Variants in SEC24A observed in about 807,000 individuals in gnomAD.
The protein encoded by SEC24A is protein transport protein Sec24A.
In SEC24A, 93 loss-of-function variants were observed where a neutral mutation model predicts 129.4. The observed-to-expected ratio is 0.72, with a 90% CI of 0.61 to 0.85. The LOEUF (loss-of-function observed/expected upper bound fraction) is 0.85. Ranked by LOEUF, SEC24A falls within the 40% of genes least tolerant of loss-of-function variation. The probability of loss-of-function intolerance (pLI) is 0.00; values close to 1 mark genes in which losing one functional copy is unlikely to be tolerated. For synonymous variants in SEC24A, 460 were observed against 467.3 expected, an observed-to-expected ratio of 0.98 and a Z score of 0.20; for missense variants, 1,264 against 1,307.4, an observed-to-expected ratio of 0.97 and a Z score of 0.51.
chr5:134,657,714 A>T (rs1750296112), intron 1 of SEC24A, among the ~76,000 whole-genome samples: 1 of 152,006 alleles, frequency 6.6e-6, no homozygotes, highest in Non-Finnish European at 1.5e-5. Context: ...GTAGCTGGGA[A>T]TATAGGCACG....
chr5:134,675,947 C>T (rs1043523130), intron 6 of SEC24A, 76 bp from the exon 7 acceptor site: 30 of 997,166 alleles, frequency 3.0e-5, no homozygotes, highest in Non-Finnish European at 4.5e-5. Context: ...AAATGTATAC[C>T]TTTTAAATCT....
At chr5:134,672,962 G>A (rs1428156202) in intron 4 of SEC24A, among the ~76,000 whole-genome samples, 3 of 151,332 alleles carry the variant, frequency 2.0e-5, no homozygotes, top group East Asian at 1.9e-4. Flanking sequence ...GGCTGGTCTC[G>A]AACCCTTGGC....
chr5:134,661,081 T>A, intron 1 of SEC24A, 38 bp from the exon 2 acceptor site: 1 of 1,377,784 alleles, frequency 7.3e-7, no homozygotes, highest in Non-Finnish European at 1.0e-6. Context: ...ATTGCTATAT[T>A]CGTTGGTAAG....
At chr5:134,691,303 T>C (rs182107420) in intron 11 of SEC24A, among the ~76,000 whole-genome samples, 19 of 148,160 alleles carry the variant, frequency 1.3e-4, no homozygotes, top group Non-Finnish European at 2.5e-4. Context: ...TCCCGAGTAG[T>C]TGGGCTTACA....
At chr5:134,706,981 G>T (rs966410406) in intron 17 of SEC24A, among the ~76,000 whole-genome samples, 1 of 151,996 alleles carries the variant, frequency 6.6e-6, no homozygotes, top group Admixed American at 6.6e-5. Context: ...GAGCCACCAC[G>T]CCTGGCCCTC....
In SEC24A at chr5:134,679,708, T is replaced by C; in HGVS notation, c.1361T>C (p.Leu454Ser). The stretch of plus-strand genomic sequence containing the variant: ...GATCAAAGGAGATGGAAGTGTAACT[T>C]ATGTTATCGAGTCAATGATGGTATG... ...FLDQRRWKCN[L>S]CYRVNDVPEE... Residue 454 changes from leucine to serine, a missense_variant, in exon 8 of 23, where the codon TTA (leucine) becomes TCA (serine). Leu to Ser is a moderately radical substitution (Grantham distance 145). Coordinates refer to ENST00000398844, the MANE Select transcript of SEC24A (RefSeq NM_021982.3). The C allele has an allele frequency of 6.3e-7, 1 of 1,595,766 alleles. No homozygotes were observed. The highest frequency in any genetic ancestry group is 1.1e-5 in the South Asian group (1 of 88,588).
chr5:134,696,623 C>T (rs954607614), intron 13 of SEC24A, among the ~76,000 whole-genome samples: 9 of 151,980 alleles, frequency 5.9e-5, no homozygotes, highest in African/African-American at 1.7e-4. Context: ...CTCAGCCTCC[C>T]GAGTAGCTGG....
chr5:134,718,050 CTT>C lies in SEC24A; in HGVS notation c.2866-16_2866-15del, dbSNP rs1561834282. 1 of 1,586,136 alleles carries C rather than the reference CTT, an allele frequency of 6.3e-7. No individual in the cohort carries two copies. Among genetic ancestry groups the C allele is most frequent in the Admixed American group, 1.7e-5 (1 of 59,852 alleles). On this transcript the variant is annotated splice_polypyrimidine_tract_variant and intron_variant, in intron 19 of 22. Transcript: ENST00000398844. The stretch of plus-strand genomic sequence containing the variant: ...ATTTCCTATATTTAAAACCTTTACT[CTT>C]TTACTTAATTCCTCAGGGAGCACTC...
intron 12 of SEC24A, chr5:134,692,946 G>C (rs1006160396): frequency 9.0e-7 from 1 of 1,105,688 alleles, no homozygotes; most frequent in South Asian, 1.3e-5. Context: ...AAGTTGGGAG[G>C]GTTGCTGAGA....
chr5:134,723,197 G>T (rs979833654), intron 21 of SEC24A, among the ~76,000 whole-genome samples: 5 of 152,100 alleles, frequency 3.3e-5, no homozygotes, highest in African/African-American at 1.2e-4. Context: ...CGGGCACTGT[G>T]GCTCACTCCT....
At chr5:134,717,276 G>A (rs1561833862) in intron 19 of SEC24A, among the ~76,000 whole-genome samples, 1 of 152,104 alleles carries the variant, frequency 6.6e-6, no homozygotes, top group Non-Finnish European at 1.5e-5. Context: ...GGCCGAGGCA[G>A]GTGGATCACC....
rs370175357 is a variant in SEC24A at position 134,699,501 on chromosome 5, A to G, written c.2266+1444A>G. ...TTTTTAGTAGAGACGGGGTTTCACC[A>G]TGTTAGCCAGGATGGTCTCGATCTC... On this transcript the variant is annotated intron_variant, in intron 15 of 22. Coordinates refer to ENST00000398844, the MANE Select transcript of SEC24A (RefSeq NM_021982.3). Among the ~76,000 whole-genome samples the G allele has an allele frequency of 1.4e-3, 213 of 151,500 alleles. 1 individual carries two copies. Among genetic ancestry groups the G allele is most frequent in the African/African-American group, 4.1e-3 (169 of 41,312 alleles).
Position 134,715,059 on chromosome 5 carries a change from T to C in SEC24A, c.2763T>C (p.Asp921=). 1 of 1,613,210 alleles carries C rather than the reference T, an allele frequency of 6.2e-7. No homozygotes were observed. ...SFQTGTNARL[D]ERIFAMCQVK... ...AGACTGGGACAAATGCACGTCTAGA[T>C]GAACGCATTTTTGCTATGTGTCAAG... Residue 921 remains aspartate, a synonymous_variant, in exon 19 of 23, where the codon GAT becomes GAC. Transcript: ENST00000398844.
At chr5:134,713,221 G>A (rs60634790) in intron 18 of SEC24A, among the ~76,000 whole-genome samples, 3,461 of 152,142 alleles carry the variant, frequency 0.023, 64 homozygotes, top group African/African-American at 0.055. Context: ...GTGAGCCACC[G>A]CGCCCGGCCG....
chr5:134,665,230 C>T (rs1425183131), intron 2 of SEC24A, among the ~76,000 whole-genome samples: 3 of 151,298 alleles, frequency 2.0e-5, no homozygotes, highest in Non-Finnish European at 2.9e-5. Flanking sequence ...GGGTGGATTA[C>T]GAGGTCAGGA....
intron 6 of SEC24A, 27 bp from the exon 7 acceptor site, chr5:134,675,996 T>C (rs1050900514): frequency 2.0e-6 from 3 of 1,487,014 alleles, no homozygotes; most frequent in Non-Finnish European, 2.8e-6. Context: ...TAGCAGCAAC[T>C]GATACATACT....
intron 1 of SEC24A, among the ~76,000 whole-genome samples, chr5:134,653,082 G>C (rs533821568): frequency 6.6e-6 from 1 of 151,758 alleles, no homozygotes; most frequent in Non-Finnish European, 1.5e-5. Context: ...TGGGATTACA[G>C]TTATGAGCCA....
intron 9 of SEC24A, among the ~76,000 whole-genome samples, chr5:134,685,986 C>T (rs1338974382): frequency 6.6e-6 from 1 of 150,540 alleles, no homozygotes; most frequent in Non-Finnish European, 1.5e-5. Flanking sequence ...GAGACTCCAT[C>T]TCAAAGTAAA....
At position 134,648,918 on chromosome 5, in the gene SEC24A, A is replaced by C; in HGVS notation, c.-159A>C. On this transcript the variant is annotated 5_prime_UTR_variant, in exon 1 of 23. Transcript: ENST00000398844. Reference sequence around the variant, plus strand: ...CTGTGGCCGCCGGTGGCCTGGGGAGAGTGCGGCGCCATGCCTCGGGCTTAA... The same window carrying C: ...CTGTGGCCGCCGGTGGCCTGGGGAGCGTGCGGCGCCATGCCTCGGGCTTAA... 1.9e-6 allele frequency: 1 copy of C among 522,726 alleles called. No homozygotes were observed. 32.4% of individuals were successfully genotyped at this position (522,726 alleles called of 1,614,324 possible).
Sources: gnomAD v4.1 joint callset for allele counts (sites outside exome capture counted in the v4.1 genomes callset) on GRCh38, gnomAD v4.1.1 for gene constraint, MANE v1.5 for transcripts, NCBI Gene and HGNC (gene_info 2026-07-23, HGNC 2026-07-21) for gene names.